MOSPD1: variants seen among roughly 807,000 people sequenced by gnomAD.
The protein encoded by MOSPD1 is motile sperm domain-containing protein 1.
Under a neutral mutation model 16.7 loss-of-function variants are expected in MOSPD1, and 5 were observed. The observed-to-expected ratio is 0.30, with a 90% CI of 0.16 to 0.63. The LOEUF is 0.63. Among genes scored for constraint, MOSPD1 ranks in the 30% least tolerant of loss-of-function variants. MOSPD1 has a pLI of 0.82. For synonymous variants in MOSPD1, 67 were observed against 59.2 expected, an observed-to-expected ratio of 1.13 and a Z score of -0.61; for missense variants, 104 against 153.6, an observed-to-expected ratio of 0.68 and a Z score of 1.71.
At chrX:134,898,409 G>T (rs931909337) in intron 3 of MOSPD1, among the ~76,000 whole-genome samples, 1 of 111,902 alleles carries the variant, frequency 8.9e-6, no homozygotes, top group African/African-American at 3.2e-5. Flanking sequence ...GTATTCAAAA[G>T]AAAAGAATTC....
intron 1 of MOSPD1, among the ~76,000 whole-genome samples, chrX:134,907,098 T>C (rs867785307): frequency 7.2e-5 from 8 of 110,908 alleles, no homozygotes; most frequent in African/African-American, 2.6e-4. Context: ...CATGGTGGTG[T>C]ATGCCTGTAA....
Position 134,894,239 on chromosome X carries a change from T to C in MOSPD1, c.448+2578A>G, listed in dbSNP as rs192831097. On this transcript the variant is annotated intron_variant, in intron 4 of 5. Transcript: ENST00000370783. ...TTATGTTATTGCTATATGTGTTTTA[T>C]ACAATAAACTTAAATTTTTTTCTCG... Among the ~76,000 whole-genome samples the C allele has an allele frequency of 1.4e-4, 16 of 112,158 alleles. No homozygotes were observed. In the East Asian group the frequency reaches 4.4e-3, roughly 31 times the overall value.
intron 4 of MOSPD1, among the ~76,000 whole-genome samples, chrX:134,892,427 G>A (rs1439003183): frequency 1.8e-5 from 2 of 111,914 alleles, no homozygotes; most frequent in Non-Finnish European, 3.8e-5. Context: ...GGGGCTGGAG[G>A]AGGAGGATAA....
intron 1 of MOSPD1, among the ~76,000 whole-genome samples, chrX:134,902,543 A>G (rs1204060231): frequency 9.0e-6 from 1 of 111,132 alleles, no homozygotes; most frequent in Admixed American, 9.7e-5. Context: ...CTGTAATCCA[A>G]GCACTTTGGG....
At chrX:134,904,359 A>G (rs985480973) in intron 1 of MOSPD1, among the ~76,000 whole-genome samples, 8 of 112,099 alleles carry the variant, frequency 7.1e-5, no homozygotes, top group Non-Finnish European at 1.3e-4. Context: ...TAACAACTAC[A>G]TGTGCCAAAA....
At chrX:134,893,800 T>C (rs914297980) in intron 4 of MOSPD1, among the ~76,000 whole-genome samples, 3 of 111,849 alleles carry the variant, frequency 2.7e-5, no homozygotes, top group Admixed American at 9.6e-5. Flanking sequence ...CCTGGCACAC[T>C]ATCTTATGAA....
chrX:134,890,135 A>T (rs1250952386), intron 5 of MOSPD1, among the ~76,000 whole-genome samples: 1 of 108,827 alleles, frequency 9.2e-6, no homozygotes, highest in Non-Finnish European at 1.9e-5. Flanking sequence ...ATGGGCAGGC[A>T]TTTCAGGTGA....
chrX:134,890,312 G>A lies in MOSPD1; in HGVS notation c.611-1120C>T, dbSNP rs556086296. On this transcript the variant is annotated intron_variant, in intron 5 of 5. Transcript: ENST00000370783. ...TGGAGAGTCTTAAATGCCAAGCTAT[G>A]GCACTGAAGGTTATATACTTCATCC... 2.7e-5 allele frequency among the ~76,000 whole-genome samples: 3 copies of A among 110,538 alleles called. No individual in the cohort carries two copies. The South Asian group carries it at 1.2e-3, about 43-fold the overall frequency.
Position 134,888,220 on chromosome X carries a change from A to G in MOSPD1, c.*941T>C, listed in dbSNP as rs770752035. On this transcript the variant is annotated 3_prime_UTR_variant, in exon 6 of 6. Transcript: ENST00000370783. ...GTCTTAATAATAAATAAAAACTTAA[A>G]AAAAAGTCTCAGTGACTGATATAAA... 8.9e-6 allele frequency: 1 copy of G among 112,272 alleles called. No individual in the cohort carries two copies. Among genetic ancestry groups the G allele is most frequent in the Admixed American group, 9.5e-5 (1 of 10,503 alleles). The allele number at this position is 112,272 out of a possible 1,213,427, so 9.3% of individuals were successfully genotyped here. A position where few individuals can be genotyped will look rare whatever the true frequency, so the allele number is the denominator to read the frequency against.
chrX:134,913,821 A>T (rs942318446), intron 1 of MOSPD1, among the ~76,000 whole-genome samples: 7 of 112,191 alleles, frequency 6.2e-5, no homozygotes, highest in African/African-American at 2.3e-4. Flanking sequence ...TAAGAGTTCA[A>T]GAAATGCTTC....
chrX:134,891,652 C>A lies in MOSPD1; in HGVS notation c.449-12G>T. 1.7e-6 allele frequency: 2 copies of A among 1,203,664 alleles called. No individual in the cohort carries two copies. Among genetic ancestry groups the A allele is most frequent in the Non-Finnish European group, 2.2e-6 (2 of 892,548 alleles). ...TACAGCTCTGTTTTCTGTAAAAAGA[C>A]AAAAATCCCTAAGCTTCCTTCTAAA... On this transcript the variant is annotated splice_polypyrimidine_tract_variant and intron_variant, in intron 4 of 5. Coordinates refer to ENST00000370783, the MANE Select transcript of MOSPD1 (RefSeq NM_019556.3).
chrX:134,913,282 G>A (rs1427224790), intron 1 of MOSPD1, among the ~76,000 whole-genome samples: 2 of 110,972 alleles, frequency 1.8e-5, no homozygotes, highest in Non-Finnish European at 3.8e-5. Context: ...GGCTGAGGTG[G>A]GAGATCGCTT....
rs2082887085 is a variant in MOSPD1, at chrX:134,896,859, G to A, written c.406C>T (p.His136Tyr). The change falls in exon 4 of 6, where the codon CAT (histidine) becomes TAT (tyrosine). Residue 136 changes from histidine (H) to tyrosine (Y), a missense_variant. Around this residue, in one of 3 missense-constraint regions of MOSPD1, gnomAD observed 68 missense variants for 73.1 expected, o/e 0.93. Coordinates refer to ENST00000370783, the MANE Select transcript of MOSPD1 (RefSeq NM_019556.3). ...TCAAAAAATAAACTTTCAGTTAAAT[G>A]TTCCTTTAATCTTTTTTCCTCTTCT... Reference protein sequence around the residue: ...KEEEEKRLKEHLTESLFFEQS... With the variant: ...KEEEEKRLKEYLTESLFFEQS... The A allele has an allele frequency of 8.3e-7, 1 of 1,209,707 alleles. No individual in the cohort carries two copies. Among genetic ancestry groups the A allele is most frequent in the African/African-American group, 1.7e-5 (1 of 57,316 alleles).
chrX:134,901,442 A>G lies in MOSPD1; in HGVS notation c.-101-1908T>C, dbSNP rs143855038. ...AGCGGGCGGATCACTTGAGGTCAGG[A>G]GTTTGAGACTAGCCTGGCCAACATG... On this transcript the variant is annotated intron_variant, in intron 1 of 5. Coordinates refer to ENST00000370783, the MANE Select transcript of MOSPD1 (RefSeq NM_019556.3). 5.2e-3 allele frequency among the ~76,000 whole-genome samples: 574 copies of G among 110,392 alleles called. 7 individuals are homozygous for G. The highest frequency in any genetic ancestry group is 0.016 in the African/African-American group (489 of 30,342).
At chrX:134,903,402 T>G (rs1300493506) in intron 1 of MOSPD1, among the ~76,000 whole-genome samples, 1 of 63,528 alleles carries the variant, frequency 1.6e-5, no homozygotes, top group Non-Finnish European at 3.1e-5. Flanking sequence ...AACCAAATTG[T>G]TTTTTTTTTC....
At chrX:134,903,449 C>T (rs1319641825) in intron 1 of MOSPD1, among the ~76,000 whole-genome samples, 7 of 110,013 alleles carry the variant, frequency 6.4e-5, no homozygotes, top group Non-Finnish European at 7.6e-5. Context: ...CAGTGGCTCA[C>T]GCCTGTAATC....
rs759734439 is a variant in MOSPD1 at position 134,898,957 on chromosome X, CT to C, written c.230+132del. 62 of 548,500 alleles carry C rather than the reference CT, an allele frequency of 1.1e-4. 1 individual carries two copies. In the South Asian group the frequency reaches 2.4e-3, roughly 21 times the overall value. The allele number at this position is 548,500 out of a possible 1,213,427, so 45.2% of individuals were successfully genotyped here. A position where few individuals can be genotyped will look rare whatever the true frequency, so the allele number is the denominator to read the frequency against. On this transcript the variant is annotated intron_variant, in intron 3 of 5. Coordinates refer to ENST00000370783, the MANE Select transcript of MOSPD1 (RefSeq NM_019556.3). ...CTTAGAAACAATTTCGATAGACAAACTTTCGGCAAAAATTCAAAATATAATA... is the reference window on the plus strand; with the variant it reads ...CTTAGAAACAATTTCGATAGACAAACTTCGGCAAAAATTCAAAATATAATA...
At chrX:134,902,424 T>TAAATAAATAAATAAAA (rs1253264681) in intron 1 of MOSPD1, among the ~76,000 whole-genome samples, 21 of 109,378 alleles carry the variant, frequency 1.9e-4, no homozygotes, top group African/African-American at 6.6e-4. Flanking sequence ...AATAAATAAA[T>TAAATAAATAAATAAAA]AAAACAAAAA....
chrX:134,892,658 C>T (rs938302671), intron 4 of MOSPD1, among the ~76,000 whole-genome samples: 2 of 112,226 alleles, frequency 1.8e-5, no homozygotes, highest in Non-Finnish European at 3.8e-5. Context: ...CTTTGGGAGG[C>T]CAAGGTGGGT....
Sources: gnomAD v4.1 joint callset for allele counts (sites outside exome capture counted in the v4.1 genomes callset) on GRCh38, gnomAD v4.1.1 for gene constraint, gnomAD v4.1.1 regional missense constraint, MANE v1.5 for transcripts, NCBI Gene and HGNC (gene_info 2026-07-23, HGNC 2026-07-21) for gene names.